The following SETBP1 variants were observed in gnomAD, a reference collection of about 807,000 sequenced individuals.
SETBP1 encodes SET-binding protein.
Under a neutral mutation model 101.0 loss-of-function variants are expected in SETBP1, and 9 were observed. The observed-to-expected ratio is 0.09, with a 90% confidence interval of 0.05 to 0.16. The LOEUF is 0.16. Among genes scored for constraint, SETBP1 ranks in the 10% least tolerant of loss-of-function variants. The pLI, the probability that SETBP1 is intolerant of heterozygous loss-of-function variation, is 1.00. For missense variants in SETBP1, 1,858 were observed against 2,033.8 expected (o/e 0.91, Z 1.66); for synonymous variants, 818 against 788.5 (o/e 1.04, Z -0.63).
intron 2 of SETBP1, among the ~76,000 whole-genome samples, chr18:44,780,505 C>T (rs1046804041): frequency 6.6e-6 from 1 of 152,164 alleles, no homozygotes; most frequent in African/African-American, 2.4e-5. Flanking sequence ...TCTTGAGTTC[C>T]AAAACTGACA....
At chr18:44,769,157 A>G (rs1301183028) in intron 2 of SETBP1, among the ~76,000 whole-genome samples, 1 of 152,244 alleles carries the variant, frequency 6.6e-6, no homozygotes, top group East Asian at 1.9e-4. Flanking sequence ...ACTCTCATCT[A>G]CAATGAATTC....
chr18:44,873,018 G>C (rs984630672), intron 3 of SETBP1, among the ~76,000 whole-genome samples: 4 of 152,218 alleles, frequency 2.6e-5, no homozygotes, highest in African/African-American at 9.6e-5. Flanking sequence ...AAGGGTGGCT[G>C]TTTTTAATGA....
At chr18:44,814,049 G>T (rs565006482) in intron 2 of SETBP1, among the ~76,000 whole-genome samples, 20 of 152,264 alleles carry the variant, frequency 1.3e-4, no homozygotes, top group African/African-American at 4.6e-4. Context: ...CCCCAATCTA[G>T]TGGAGGACCC....
At chr18:44,728,391 C>T (rs887079315) in intron 2 of SETBP1, among the ~76,000 whole-genome samples, 10 of 152,068 alleles carry the variant, frequency 6.6e-5, no homozygotes, top group Admixed American at 3.3e-4. Context: ...ATGCGGGTCT[C>T]GGGAAAAAGT....
At chr18:44,996,933 CA>C (rs2072509756) in intron 4 of SETBP1, among the ~76,000 whole-genome samples, 1 of 152,172 alleles carries the variant, frequency 6.6e-6, no homozygotes, top group Non-Finnish European at 1.5e-5. Flanking sequence ...GAGATGGGTA[CA>C]GGCAGGTCTC....
At chr18:44,739,817 T>C (rs749178238) in intron 2 of SETBP1, among the ~76,000 whole-genome samples, 18 of 151,790 alleles carry the variant, frequency 1.2e-4, no homozygotes, top group Non-Finnish European at 2.5e-4. Context: ...CGAGTAGGAG[T>C]GATTATGGTT....
At chr18:44,766,849 A>G (rs1406611173) in intron 2 of SETBP1, among the ~76,000 whole-genome samples, 2 of 152,192 alleles carry the variant, frequency 1.3e-5, no homozygotes, top group Non-Finnish European at 1.5e-5. Context: ...TCTTATGTGT[A>G]TTTTATGCAA....
At chr18:45,052,393 A>C (rs1424892687) in intron 5 of SETBP1, among the ~76,000 whole-genome samples, 1 of 152,246 alleles carries the variant, frequency 6.6e-6, no homozygotes, top group Non-Finnish European at 1.5e-5. Context: ...AAGTGTTCAT[A>C]AAAAGCTTTA....
intron 2 of SETBP1, among the ~76,000 whole-genome samples, chr18:44,780,072 G>C (rs1253710982): frequency 1.3e-5 from 2 of 152,082 alleles, no homozygotes; most frequent in East Asian, 3.9e-4. Flanking sequence ...CTCACAGCTT[G>C]CCTGCTCCCA....
At chr18:44,868,925 T>C (rs2069204137) in intron 2 of SETBP1, among the ~76,000 whole-genome samples, 1 of 152,170 alleles carries the variant, frequency 6.6e-6, no homozygotes, top group African/African-American at 2.4e-5. Flanking sequence ...CAGGGAGCCA[T>C]GGACCTGATG....
rs145057942 is a variant in SETBP1 at position 44,942,824 on chromosome 18, C to T, written c.541-7057C>T. Among the ~76,000 whole-genome samples the T allele has an allele frequency of 1.0e-3, 156 of 152,244 alleles. 1 individual carries two copies. Among genetic ancestry groups the T allele is most frequent in the African/African-American group, 3.3e-3 (139 of 41,538 alleles). ...AGAGGTATATGGTAGGGCCCTCTGTCGTGTATGAGCTGTTACCACCTTCAG... is the reference window on the plus strand; with the variant it reads ...AGAGGTATATGGTAGGGCCCTCTGTTGTGTATGAGCTGTTACCACCTTCAG... On this transcript the variant is annotated intron_variant, in intron 3 of 5. Coordinates refer to ENST00000649279, the MANE Select transcript of SETBP1 (RefSeq NM_015559.3).
In SETBP1 at chr18:44,872,498, A is replaced by G. The variant is rs149699651; in HGVS notation, c.540+3215A>G. On this transcript the variant is annotated intron_variant, in intron 3 of 5. Coordinates refer to ENST00000649279, the MANE Select transcript of SETBP1 (RefSeq NM_015559.3). ...AAATCCAGCAGCTAGCCATGCTTGC[A>G]CTAGTTGTTAGTACCATCATTCATT... Among the ~76,000 whole-genome samples, 159 of 152,222 alleles carry G rather than the reference A, an allele frequency of 1.0e-3. 1 individual carries two copies. Among genetic ancestry groups the G allele is most frequent in the Admixed American group, 3.3e-3 (50 of 15,290 alleles).
intron 3 of SETBP1, among the ~76,000 whole-genome samples, chr18:44,920,574 A>G (rs1362911535): frequency 6.6e-6 from 1 of 152,222 alleles, no homozygotes; most frequent in East Asian, 1.9e-4. Flanking sequence ...CAGACGAGTT[A>G]GTAAAAGGGA....
chr18:44,717,035 G>A (rs2144310151), intron 2 of SETBP1, among the ~76,000 whole-genome samples: 1 of 152,310 alleles, frequency 6.6e-6, no homozygotes, highest in East Asian at 1.9e-4. Flanking sequence ...GCAATGTGAT[G>A]TTACTATCCC....
In SETBP1 at chr18:45,067,862, C is replaced by T. The variant is rs958742053; in HGVS notation, c.*4164C>T. 2 of 152,080 alleles carry T rather than the reference C, an allele frequency of 1.3e-5. No homozygotes were observed. Among genetic ancestry groups the T allele is most frequent in the Admixed American group, 1.3e-4 (2 of 15,272 alleles). 9.4% of individuals were successfully genotyped at this position (152,080 alleles called of 1,614,324 possible). A position where few individuals can be genotyped will look rare whatever the true frequency, so the allele number is the denominator to read the frequency against. ...TGCCCACTTGCCCAGGTCTAATAAA[C>T]ACTAAAGGGGGGAAATTGAAAGGAG... is the stretch of plus-strand genomic sequence containing the variant. On this transcript the variant is annotated 3_prime_UTR_variant, in exon 6 of 6. Transcript: ENST00000649279.
chr18:44,724,599 A>G (rs1053142396), intron 2 of SETBP1, among the ~76,000 whole-genome samples: 15 of 152,186 alleles, frequency 9.9e-5, no homozygotes, highest in African/African-American at 3.6e-4. Context: ...TAGGGGCATC[A>G]CTGTACCTCT....
At chr18:44,824,761 A>T (rs1479118726) in intron 2 of SETBP1, among the ~76,000 whole-genome samples, 2 of 152,220 alleles carry the variant, frequency 1.3e-5, no homozygotes, top group African/African-American at 2.4e-5. Context: ...ATGGGAAGAG[A>T]AGGAAAATGG....
At chr18:44,775,218 G>C (rs2144654192) in intron 2 of SETBP1, among the ~76,000 whole-genome samples, 1 of 152,214 alleles carries the variant, frequency 6.6e-6, no homozygotes, top group Admixed American at 6.5e-5. Context: ...CTTTATAGAG[G>C]CTCTGGGCAA....
intron 2 of SETBP1, among the ~76,000 whole-genome samples, chr18:44,847,992 A>G (rs1387561357): frequency 2.1e-4 from 32 of 152,100 alleles, no homozygotes; most frequent in Admixed American, 2.1e-3. Context: ...CAACATCTTA[A>G]TGACCCTGGA....
Sources: gnomAD v4.1 joint callset for allele counts (sites outside exome capture counted in the v4.1 genomes callset) on GRCh38, gnomAD v4.1.1 for gene constraint, MANE v1.5 for transcripts, NCBI Gene and HGNC (gene_info 2026-07-23, HGNC 2026-07-21) for gene names.